The following PPARGC1A variants were observed in gnomAD, a reference collection of about 807,000 sequenced individuals.
PPARGC1A encodes peroxisome proliferator-activated receptor gamma coactivator 1-alpha.
A neutral mutation model predicts 88.7 loss-of-function variants in PPARGC1A; 25 were observed. That is an observed-to-expected ratio of 0.28 (90% CI 0.21 to 0.39). The LOEUF (loss-of-function observed/expected upper bound fraction) is 0.39, where lower values mean the gene tolerates loss of function less well. Among genes scored for constraint, PPARGC1A ranks in the 10% least tolerant of loss-of-function variants. PPARGC1A has a pLI of 1.00. For synonymous variants in PPARGC1A, 363 were observed against 355.6 expected (o/e 1.02, Z -0.24); for missense variants, 880 against 968.7 (o/e 0.91, Z 1.22).
chr4:23,827,903 A>AGAAAGAAGGAGAGGGT (rs1724275524), intron 5 of PPARGC1A, among the ~76,000 whole-genome samples: 1 of 152,034 alleles, frequency 6.6e-6, no homozygotes, highest in African/African-American at 2.4e-5. Flanking sequence ...AAGGAGAGGG[A>AGAAAGAAGGAGAGGGT]GAAAGAAGAA....
At chr4:24,317,555 TAAAAAAAAAAAAAAAAAAAAAAAAA>T in the PPARGC1A span, among the ~76,000 whole-genome samples, 44 of 22,224 alleles carry the variant, frequency 2.0e-3, 1 homozygote, top group Non-Finnish European at 3.7e-3. Flanking sequence ...TTCAGAGGAC[TAAAAAAAAAAAAAAAAAAAAAAAAA>T]AAAAAAAAAA....
chr4:23,895,314 T>TTTTTTC (rs547962163), intron 1 of PPARGC1A, among the ~76,000 whole-genome samples: 31 of 151,656 alleles, frequency 2.0e-4, no homozygotes, highest in African/African-American at 7.5e-4. Flanking sequence ...ATATATATAT[T>TTTTTTC]TTTTTCTTTT....
chr4:24,231,162 T>A, the PPARGC1A span, among the ~76,000 whole-genome samples: 3 of 152,136 alleles, frequency 2.0e-5, no homozygotes, highest in East Asian at 5.8e-4. Context: ...AAACCCCAGC[T>A]CTTTATGATT....
At chr4:23,901,325 G>A (rs1363909524), upstream of PPARGC1A, among the ~76,000 whole-genome samples, 1 of 148,858 alleles carries the variant, frequency 6.7e-6, no homozygotes, top group African/African-American at 2.5e-5. Flanking sequence ...AGCCGAGATC[G>A]TGCCACTGCA....
intron 1 of PPARGC1A, among the ~76,000 whole-genome samples, chr4:23,895,515 AG>A (rs752215621): frequency 5.3e-5 from 8 of 152,054 alleles, no homozygotes; most frequent in Non-Finnish European, 1.2e-4. Context: ...CATCTTAAGA[AG>A]CAATTAGCTT....
the PPARGC1A span, among the ~76,000 whole-genome samples, chr4:23,938,145 T>C: frequency 7.9e-5 from 12 of 152,086 alleles, no homozygotes; most frequent in South Asian, 6.2e-4. Context: ...AAGAGTTGCA[T>C]AGAGACAGGA....
the PPARGC1A span, among the ~76,000 whole-genome samples, chr4:24,089,497 TTTCTTTTCTTTTCTTTC>T: frequency 2.2e-5 from 2 of 92,666 alleles, no homozygotes; most frequent in African/African-American, 8.3e-5. Context: ...TTTCTTTTCT[TTTCTTTTCTTTTCTTTC>T]TTTTTTTTTT....
chr4:24,220,836 T>G, the PPARGC1A span, among the ~76,000 whole-genome samples: 1 of 152,106 alleles, frequency 6.6e-6, no homozygotes, highest in Non-Finnish European at 1.5e-5. Flanking sequence ...ATATACCCAT[T>G]TAACAAACCT....
At chr4:24,382,520 T>C in the PPARGC1A span, among the ~76,000 whole-genome samples, 1 of 152,050 alleles carries the variant, frequency 6.6e-6, no homozygotes, top group Non-Finnish European at 1.5e-5. Context: ...AAAAAAGAAT[T>C]CTGAAATGTA....
the PPARGC1A span, among the ~76,000 whole-genome samples, chr4:24,254,541 T>C: frequency 6.6e-6 from 1 of 152,238 alleles, no homozygotes; most frequent in African/African-American, 2.4e-5. Flanking sequence ...CCTGGGCAGA[T>C]AAGTCAGAAT....
chr4:24,078,730 G>A, the PPARGC1A span, among the ~76,000 whole-genome samples: 1 of 152,038 alleles, frequency 6.6e-6, no homozygotes, highest in Non-Finnish European at 1.5e-5. Flanking sequence ...TTTTAATGCT[G>A]TGCCAAGTCA....
the PPARGC1A span, among the ~76,000 whole-genome samples, chr4:24,021,569 C>T: frequency 6.6e-6 from 1 of 151,960 alleles, no homozygotes; most frequent in South Asian, 2.1e-4. Flanking sequence ...AAATGTGATA[C>T]AGTTAGTGTT....
the PPARGC1A span, among the ~76,000 whole-genome samples, chr4:24,448,248 T>C: frequency 1.3e-5 from 2 of 152,224 alleles, no homozygotes; most frequent in Non-Finnish European, 2.9e-5. Flanking sequence ...CACGTCAGAT[T>C]GATCAGTTGC....
At chr4:24,117,824 A>G in the PPARGC1A span, among the ~76,000 whole-genome samples, 2 of 152,130 alleles carry the variant, frequency 1.3e-5, no homozygotes, top group African/African-American at 4.8e-5. Flanking sequence ...ACTCATGTCC[A>G]CAGCAGTTTC....
chr4:23,994,941 A>C, the PPARGC1A span, among the ~76,000 whole-genome samples: 14 of 152,348 alleles, frequency 9.2e-5, no homozygotes, highest in East Asian at 2.5e-3. Flanking sequence ...AACTCACTGC[A>C]TGAAGAAGGA....
the PPARGC1A span, among the ~76,000 whole-genome samples, chr4:24,227,855 T>C: frequency 6.6e-6 from 1 of 152,126 alleles, no homozygotes; most frequent in East Asian, 1.9e-4. Context: ...CACAAAATGG[T>C]GATGAGAGGC....
the PPARGC1A span, among the ~76,000 whole-genome samples, chr4:24,298,702 A>T: frequency 6.6e-6 from 1 of 152,198 alleles, no homozygotes; most frequent in Non-Finnish European, 1.5e-5. Context: ...CTTAAAATGC[A>T]GTTGAAAATG....
At chr4:23,812,595 A>G in intron 10 of PPARGC1A, 152 bp downstream of exon 10, 1 of 1,178,330 alleles carries the variant, frequency 8.5e-7, no homozygotes. Flanking sequence ...TGGGGACCGA[A>G]GACTTATGGA....
intron 2 of PPARGC1A, among the ~76,000 whole-genome samples, chr4:23,877,211 G>A (rs1377803886): frequency 1.3e-5 from 2 of 151,792 alleles, no homozygotes; most frequent in African/African-American, 2.4e-5. Context: ...ACCTCTGAGC[G>A]CACAGTCTTA....
Sources: allele counts gnomAD v4.1 joint callset (sites outside exome capture counted in the v4.1 genomes callset), GRCh38; gene constraint gnomAD v4.1.1; transcripts MANE v1.5; gene names NCBI Gene and HGNC (gene_info 2026-07-23, HGNC 2026-07-21).